Variants in TSPAN9 observed in about 807,000 individuals in gnomAD.
TSPAN9 encodes tetraspanin 9, also known as tetraspanin-9.
A neutral mutation model predicts 31.0 loss-of-function variants in TSPAN9; 16 were observed. The observed-to-expected ratio is 0.52, with a 90% confidence interval of 0.35 to 0.78. The LOEUF is 0.78. Among genes scored for constraint, TSPAN9 ranks in the 30% least tolerant of loss-of-function variants. TSPAN9 has a pLI of 0.01. For synonymous variants in TSPAN9, 145 were observed against 121.6 expected, an observed-to-expected ratio of 1.19 and a Z score of -1.27; for missense variants, 272 against 312.5, an observed-to-expected ratio of 0.87 and a Z score of 0.98.
intron 3 of TSPAN9, among the ~76,000 whole-genome samples, chr12:3,258,595 A>T (rs11062596): frequency 0.22 from 33,132 of 151,820 alleles, 5,461 homozygotes; most frequent in East Asian, 0.47. Context: ...TCTTGTGGAC[A>T]CCATTTCTTA....
intron 2 of TSPAN9, among the ~76,000 whole-genome samples, chr12:3,098,593 G>T (rs1374634099): frequency 1.3e-5 from 2 of 152,128 alleles, no homozygotes; most frequent in Non-Finnish European, 2.9e-5. Flanking sequence ...CTCGTTCTTT[G>T]CTTAGAGTCA....
At chr12:3,164,378 A>C (rs2098347192) in intron 2 of TSPAN9, among the ~76,000 whole-genome samples, 1 of 152,226 alleles carries the variant, frequency 6.6e-6, no homozygotes, top group Non-Finnish European at 1.5e-5. Flanking sequence ...TGCAGTGGGC[A>C]TTTGATATGT....
intron 3 of TSPAN9, chr12:3,206,317 C>A (rs2098375141): frequency 2.2e-6 from 1 of 455,988 alleles, no homozygotes; most frequent in African/African-American, 2.0e-5. Flanking sequence ...ACTGGGCTCG[C>A]AGAGGGCGGA....
chr12:3,210,541 T>C (rs1424971553), intron 3 of TSPAN9, among the ~76,000 whole-genome samples: 1 of 152,230 alleles, frequency 6.6e-6, no homozygotes, highest in Non-Finnish European at 1.5e-5. Flanking sequence ...TTTATTTATG[T>C]TTTGAATACT....
intron 3 of TSPAN9, among the ~76,000 whole-genome samples, chr12:3,267,359 G>A (rs1262931765): frequency 6.6e-6 from 1 of 152,210 alleles, no homozygotes; most frequent in Non-Finnish European, 1.5e-5. Flanking sequence ...CCTGAGTGCT[G>A]GGGAGGTGCT....
At chr12:3,232,997 T>G (rs907021234) in intron 3 of TSPAN9, among the ~76,000 whole-genome samples, 15 of 152,334 alleles carry the variant, frequency 9.8e-5, no homozygotes, top group African/African-American at 3.6e-4. Context: ...TCTTGTCACC[T>G]CTGTCTACAT....
intron 3 of TSPAN9, among the ~76,000 whole-genome samples, chr12:3,250,032 G>T (rs1013887426): frequency 5.9e-5 from 9 of 152,158 alleles, no homozygotes; most frequent in Admixed American, 3.3e-4. Context: ...TACCCATGCT[G>T]GGTCAGCAGT....
intron 2 of TSPAN9, among the ~76,000 whole-genome samples, chr12:3,175,908 C>T (rs1306245909): frequency 6.6e-6 from 1 of 152,202 alleles, no homozygotes; most frequent in Non-Finnish European, 1.5e-5. Context: ...GGAATCGGCA[C>T]ACTGCATATT....
chr12:3,271,700 C>G (rs1862681465), intron 3 of TSPAN9, among the ~76,000 whole-genome samples: 1 of 152,120 alleles, frequency 6.6e-6, no homozygotes, highest in Non-Finnish European at 1.5e-5. Context: ...GTGACTTTGT[C>G]CCTTCATTTC....
intron 2 of TSPAN9, among the ~76,000 whole-genome samples, chr12:3,104,540 A>G (rs533487652): frequency 2.8e-4 from 43 of 152,120 alleles, no homozygotes; most frequent in African/African-American, 9.4e-4. Flanking sequence ...TTTTGTAGAA[A>G]TGGGGGTCTT....
intron 2 of TSPAN9, among the ~76,000 whole-genome samples, chr12:3,174,685 C>T (rs183434404): frequency 0.11 from 16,489 of 151,890 alleles, 1,010 homozygotes; most frequent in African/African-American, 0.16. Flanking sequence ...CGGGTTCGCG[C>T]CATTCTCCTG....
chr12:3,269,857 C>T (rs572363933), intron 3 of TSPAN9, among the ~76,000 whole-genome samples: 1 of 152,406 alleles, frequency 6.6e-6, no homozygotes, highest in Non-Finnish European at 1.5e-5. Flanking sequence ...CCTGGCCCCA[C>T]TGCCCAGGCC....
Position 3,192,754 on chromosome 12 carries a change from T to C in TSPAN9, c.-17-8423T>C, listed in dbSNP as rs560597993. Among the ~76,000 whole-genome samples the C allele has an allele frequency of 3.3e-5, 5 of 151,990 alleles. No homozygotes were observed. Among genetic ancestry groups the C allele is most frequent in the East Asian group, 1.9e-4 (1 of 5,148 alleles). On this transcript the variant is annotated intron_variant, in intron 2 of 8. Transcript: ENST00000011898. The surrounding 1 kb of genome is among the most constrained non-coding windows in gnomAD (Gnocchi z 4.6). ...GAGGAGATGGTCATATAGAGGAAAG[T>C]TGGGCAGAAGAGAAGAGGGCTCAGA...
At chr12:3,095,647 C>T (rs1226197759) in intron 2 of TSPAN9, among the ~76,000 whole-genome samples, 1 of 147,896 alleles carries the variant, frequency 6.8e-6, no homozygotes, top group Non-Finnish European at 1.5e-5. Context: ...CCCCACCTCC[C>T]TCCCGGACGG....
At chr12:3,211,081 C>T (rs530643527) in intron 3 of TSPAN9, among the ~76,000 whole-genome samples, 3 of 152,130 alleles carry the variant, frequency 2.0e-5, no homozygotes, top group Non-Finnish European at 4.4e-5. Context: ...CAGTGCTTGT[C>T]GCAACATAAT....
rs1435767328 is a variant in TSPAN9 at position 3,169,517 on chromosome 12, G to T, written c.-17-31660G>T. 2.6e-5 allele frequency among the ~76,000 whole-genome samples: 4 copies of T among 152,192 alleles called. No homozygotes were observed. The East Asian group carries it at 7.7e-4, about 29-fold the overall frequency. On this transcript the variant is annotated intron_variant, in intron 2 of 8. Transcript: ENST00000011898. ...ACCTGCCCTCCCTACCGCCCAGAGT[G>T]GCCATAAGGACCACATGAGTTAATG...
chr12:3,185,820 G>A (rs970707964), intron 2 of TSPAN9, among the ~76,000 whole-genome samples: 3 of 152,204 alleles, frequency 2.0e-5, no homozygotes, highest in African/African-American at 7.2e-5. Context: ...AATGGGGAAT[G>A]GATGTAGCTG....
At chr12:3,264,560 A>C (rs1039373462) in intron 3 of TSPAN9, among the ~76,000 whole-genome samples, 61 of 152,302 alleles carry the variant, frequency 4.0e-4, no homozygotes, top group African/African-American at 1.3e-3. Flanking sequence ...GCCTGGGTGG[A>C]CAGGGCTCGG....
At chr12:3,118,256 G>GTTTT (rs72307230) in intron 2 of TSPAN9, among the ~76,000 whole-genome samples, 1,031 of 31,470 alleles carry the variant, frequency 0.033, 257 homozygotes, top group African/African-American at 0.085. Flanking sequence ...TGCACCCGCC[G>GTTTT]TTTTTTTTTT....
Sources: gnomAD v4.1 joint callset for allele counts (sites outside exome capture counted in the v4.1 genomes callset) on GRCh38, gnomAD v4.1.1 for gene constraint, Gnocchi (gnomAD v3.1) non-coding constraint, MANE v1.5 for transcripts, NCBI Gene and HGNC (gene_info 2026-07-23, HGNC 2026-07-21) for gene names.